Variants in TRMT1 observed in about 807,000 individuals in gnomAD.
TRMT1 encodes tRNA methyltransferase 1, also known as tRNA (guanine(26)-N(2))-dimethyltransferase.
In TRMT1, 63 loss-of-function variants were observed where a neutral mutation model predicts 75.4. The observed-to-expected ratio is 0.84, with a 90% CI of 0.68 to 1.03. TRMT1 has a LOEUF of 1.03. TRMT1 is among the 50% of genes least tolerant of loss of function. The pLI is 0.00. For synonymous variants in TRMT1, 382 were observed against 358.1 expected (o/e 1.07, Z -0.75); for missense variants, 870 against 905.3 (o/e 0.96, Z 0.50).
chr19:13,105,393 G>T lies in TRMT1; in HGVS notation c.1707C>A (p.Gly569=). The change falls in exon 16 of 17, where the codon GGC becomes GGA. Residue 569 remains glycine, a synonymous_variant. Coordinates refer to ENST00000357720, the MANE Select transcript of TRMT1 (RefSeq NM_001136035.4). The part of the protein sequence containing the change: ...WGPRPRARPG[G]KAADEAMEER... ...CCTCCATAGCTTCGTCGGCCGCCTT[G>T]CCCCTGTGCGAGGGGAGGAGTAGGT... 6.2e-7 allele frequency: 1 copy of T among 1,613,652 alleles called. No homozygotes were observed. Among genetic ancestry groups the T allele is most frequent in the Non-Finnish European group, 8.5e-7 (1 of 1,179,990 alleles).
At chr19:13,115,511 C>T (rs750377085) in intron 4 of TRMT1, 45 bp from the exon 5 acceptor site, 2 of 1,601,050 alleles carry the variant, frequency 1.2e-6, no homozygotes, top group East Asian at 4.5e-5. Flanking sequence ...CCACCTCCAT[C>T]CTCTTCTGGG....
intron 5 of TRMT1, among the ~76,000 whole-genome samples, chr19:13,114,494 A>G (rs1365664727): frequency 1.3e-5 from 2 of 152,176 alleles, no homozygotes; most frequent in Non-Finnish European, 1.5e-5. Flanking sequence ...GTGAAACCCC[A>G]TCTCTACTAT....
chr19:13,105,734 T>C, intron 14 of TRMT1, 128 bp from the exon 15 acceptor site: 1 of 980,140 alleles, frequency 1.0e-6, no homozygotes, highest in South Asian at 1.7e-5. Context: ...GATTCTCTCA[T>C]TCATCTAATA....
In TRMT1 at chr19:13,115,730, C is replaced by G; in HGVS notation, c.349G>C (p.Val117Leu). Residue 117 changes from valine (V) to leucine (L), a missense_variant, in exon 4 of 17, where the codon GTG becomes CTG. Val to Leu is a conservative substitution (Grantham distance 32). Transcript: ENST00000357720. ...PGEKDTQKVV[V>L]DLSEQEEEKV... ...TCCTCCTCTTGCTCTGACAAGTCCA[C>G]GACCACTTTTTGCGTGTCCTTCTCT... The G allele has an allele frequency of 6.2e-7, 1 of 1,614,122 alleles. No individual in the cohort carries two copies. Among genetic ancestry groups the G allele is most frequent in the Non-Finnish European group, 8.5e-7 (1 of 1,180,038 alleles).
chr19:13,115,659 T>C lies in TRMT1; in HGVS notation c.420A>G (p.Gln140=), dbSNP rs199718149. The part of the protein sequence containing the change: ...KESENLASGD[Q]PRTAAVGEIC... ...TCTCCCCCACGGCCGCTGTGCGAGG[T>C]TGGTCTCCTGAGGCCAGGTTTTCAC... Residue 140 remains glutamine, a synonymous_variant, in exon 4 of 17, where the codon CAA becomes CAG. Transcript: ENST00000357720. 3.9e-5 allele frequency: 63 copies of C among 1,613,948 alleles called. No homozygotes were observed. Among genetic ancestry groups the C allele is most frequent in the Admixed American group, 1.0e-4 (6 of 59,992 alleles).
chr19:13,114,462 C>T (rs112389254), intron 5 of TRMT1, among the ~76,000 whole-genome samples: 9,762 of 152,218 alleles, frequency 0.064, 414 homozygotes, highest in African/African-American at 0.11. Flanking sequence ...GTCAGGAAAT[C>T]GAGACCATCC....
chr19:13,109,774 G>A lies in TRMT1; in HGVS notation c.1171C>T (p.His391Tyr). 6.2e-7 allele frequency: 1 copy of A among 1,614,136 alleles called. No homozygotes were observed. Among genetic ancestry groups the A allele is most frequent in the Non-Finnish European group, 8.5e-7 (1 of 1,180,028 alleles). The change falls in exon 10 of 17, where the codon CAC becomes TAC. Residue 391 changes from histidine to tyrosine, a missense_variant. His to Tyr is a moderately conservative substitution (Grantham distance 83). Transcript: ENST00000357720. ...CTCCCCTGGCCTAGCCCTACCTGGT[G>A]TCGTTGCCCACAGTGTTCACACTCG... Reference protein sequence around the residue: ...TPECEHCGQRHQLGGPMWAEP... With the variant: ...TPECEHCGQRYQLGGPMWAEP...
chr19:13,115,489 T>C (rs774352050), intron 4 of TRMT1, 23 bp from the exon 5 acceptor site: 6 of 1,605,346 alleles, frequency 3.7e-6, no homozygotes, highest in Non-Finnish European at 5.1e-6. Flanking sequence ...GCAGAAAACC[T>C]CCCTCACATC....
At chr19:13,111,382 ATTTTTTTTT>A (rs201288485) in intron 7 of TRMT1, among the ~76,000 whole-genome samples, 1 of 130,462 alleles carries the variant, frequency 7.7e-6, no homozygotes, top group Non-Finnish European at 1.6e-5. Flanking sequence ...GGGTCAGACC[ATTTTTTTTT>A]TTTTTTTTTG....
chr19:13,109,433 C>G lies in TRMT1; in HGVS notation c.1345G>C (p.Asp449His). 6.2e-7 allele frequency: 1 copy of G among 1,613,478 alleles called. No homozygotes were observed. The highest frequency in any genetic ancestry group is 8.5e-7 in the Non-Finnish European group (1 of 1,179,986). Residue 449 changes from aspartate (D) to histidine (H), a missense_variant, in exon 12 of 17, where the codon GAC (aspartate) becomes CAC (histidine). Coordinates refer to ENST00000357720, the MANE Select transcript of TRMT1 (RefSeq NM_001136035.4). ...LPDVPLYYTL[D>H]QLSSTIHCNT... is the part of the protein sequence containing the mutation. ...CAGTGGATGGTGCTGCTCAGCTGGT[C>G]CAGGGTGTAGTACAGAGGCACGTCC...
In TRMT1 at chr19:13,109,365, C is replaced by T. The variant is rs748267783; in HGVS notation, c.1397+16G>A. ...GTGGTCTGGGACAGGCTCCTCCCGA[C>T]CCCAGGGGCTCTTACCGCAACTGCA... On this transcript the variant is annotated intron_variant, in intron 12 of 16. Coordinates refer to ENST00000357720, the MANE Select transcript of TRMT1 (RefSeq NM_001136035.4). The T allele has an allele frequency of 1.2e-6, 2 of 1,612,146 alleles. No homozygotes were observed. The highest frequency in any genetic ancestry group is 1.7e-6 in the Non-Finnish European group (2 of 1,179,918).
At chr19:13,115,848 C>T in intron 3 of TRMT1, 80 bp from the exon 4 acceptor site, 3 of 1,605,016 alleles carry the variant, frequency 1.9e-6, no homozygotes, top group Non-Finnish European at 2.6e-6. Context: ...AAAATATCGT[C>T]CCTGAAATCC....
In TRMT1 at chr19:13,107,916, A is replaced by G. The variant is rs1466534428; in HGVS notation, c.1398-57T>C. The G allele has an allele frequency of 2.1e-6, 3 of 1,447,936 alleles. No homozygotes were observed. In the East Asian group the frequency reaches 7.4e-5, roughly 36 times the overall value. 89.7% of individuals were successfully genotyped at this position (1,447,936 alleles called of 1,614,324 possible). A position where few individuals can be genotyped will look rare whatever the true frequency, so the allele number is the denominator to read the frequency against. ...CCGGACTCCTTGACCCCAAAGCCCA[A>G]GCTGACCAGCGTAGGTAAGACTACC... On this transcript the variant is annotated intron_variant, in intron 12 of 16. Coordinates refer to ENST00000357720, the MANE Select transcript of TRMT1 (RefSeq NM_001136035.4).
chr19:13,115,958 T>C (rs1269578324), intron 3 of TRMT1, 39 bp downstream of exon 3: 2 of 1,613,756 alleles, frequency 1.2e-6, no homozygotes, highest in Admixed American at 3.3e-5. Flanking sequence ...GATAAACTTG[T>C]GTGACCCCCG....
intron 3 of TRMT1, 89 bp from the exon 4 acceptor site, chr19:13,115,857 C>A (rs751860598): frequency 5.6e-6 from 9 of 1,604,754 alleles, no homozygotes; most frequent in Non-Finnish European, 7.7e-6. Flanking sequence ...TCCCTGAAAT[C>A]CCTGCGGAAA....
chr19:13,109,798 C>CG lies in TRMT1; in HGVS notation c.1146dup (p.Glu383ArgfsTer3). 1 of 1,614,136 alleles carries CG rather than the reference C, an allele frequency of 6.2e-7. No homozygotes were observed. Among genetic ancestry groups the CG allele is most frequent in the Non-Finnish European group, 8.5e-7 (1 of 1,180,028 alleles). ...TGTCGTTGCCCACAGTGTTCACACTCGGGGGTCACAGGGGGACCACAGGCT... is the reference window on the plus strand; with the variant it reads ...TGTCGTTGCCCACAGTGTTCACACTCGGGGGGTCACAGGGGGACCACAGGCT... On this transcript the variant is annotated frameshift_variant, in exon 10 of 17. Transcript: ENST00000357720. LOFTEE classifies it high-confidence loss of function.
Position 13,105,316 on chromosome 19 carries a change from G to A in TRMT1, c.1784C>T (p.Ala595Val), listed in dbSNP as rs139839545. Residue 595 changes from alanine to valine, a missense_variant, in exon 16 of 17, where the codon GCC becomes GTC. Transcript: ENST00000357720. The part of the protein sequence containing the change: ...NKRKEPPEDV[A>V]QRAARLKTFP... ...TGTCTTGAGCCGGGCAGCCCGCTGG[G>A]CCACATCTTCCGGCGGCTCCTTCCG... 6.2e-7 allele frequency: 1 copy of A among 1,613,954 alleles called. No individual in the cohort carries two copies. The highest frequency in any genetic ancestry group is 1.1e-5 in the South Asian group (1 of 91,088).
At position 13,115,733 on chromosome 19, in the gene TRMT1, C is replaced by T; in HGVS notation, c.346G>A (p.Val116Ile). Residue 116 changes from valine to isoleucine, a missense_variant, in exon 4 of 17, where the codon GTC (valine) becomes ATC (isoleucine). Coordinates refer to ENST00000357720, the MANE Select transcript of TRMT1 (RefSeq NM_001136035.4). ...VPGEKDTQKV[V>I]VDLSEQEEEK... ...TCCTCTTGCTCTGACAAGTCCACGACCACTTTTTGCGTGTCCTTCTCTCCT... is the reference window on the plus strand; with the variant it reads ...TCCTCTTGCTCTGACAAGTCCACGATCACTTTTTGCGTGTCCTTCTCTCCT... 1 of 1,614,114 alleles carries T rather than the reference C, an allele frequency of 6.2e-7. No homozygotes were observed. Among genetic ancestry groups the T allele is most frequent in the African/African-American group, 1.3e-5 (1 of 75,034 alleles).
rs534998719 is a variant in TRMT1, at chr19:13,116,414, C to G, written c.-15G>C. ...GATCCTTGCATGAGACATCCGCTGG[C>G]GCCTCCGCCCGCCAAGCCTGGTTCG... On this transcript the variant is annotated 5_prime_UTR_variant, in exon 2 of 17. Transcript: ENST00000357720. The G allele has an allele frequency of 6.4e-6, 10 of 1,553,322 alleles. No homozygotes were observed. The highest frequency in any genetic ancestry group is 1.3e-5 in the African/African-American group (1 of 74,162).
Sources: gnomAD v4.1 joint callset for allele counts (sites outside exome capture counted in the v4.1 genomes callset) on GRCh38, gnomAD v4.1.1 for gene constraint, MANE v1.5 for transcripts, NCBI Gene and HGNC (gene_info 2026-07-23, HGNC 2026-07-21) for gene names.